DLG2: variants seen among roughly 807,000 people sequenced by gnomAD.
DLG2 encodes discs large MAGUK scaffold protein 2, also known as disks large homolog 2.
DLG2 carries 45 observed loss-of-function variants against 132.5 expected under a neutral mutation model. That is an observed-to-expected ratio of 0.34 (90% CI 0.27 to 0.44). DLG2 has a LOEUF of 0.44. Among genes scored for constraint, DLG2 ranks in the 20% least tolerant of loss-of-function variants. The probability of loss-of-function intolerance (pLI) is 1.00; values close to 1 mark genes in which losing one functional copy is unlikely to be tolerated. For synonymous variants in DLG2, 424 were observed against 419.6 expected, an observed-to-expected ratio of 1.01 and a Z score of -0.13; for missense variants, 1,045 against 1,196.9, an observed-to-expected ratio of 0.87 and a Z score of 1.87.
intron 18 of DLG2, among the ~76,000 whole-genome samples, chr11:83,752,302 G>A (rs7945421): frequency 0.033 from 5,030 of 150,402 alleles, 286 homozygotes; most frequent in African/African-American, 0.11. Context: ...ATAAGCCAAG[G>A]GACACTCCAA....
chr11:84,520,225 A>T (rs1271330681), intron 7 of DLG2, among the ~76,000 whole-genome samples: 1 of 152,180 alleles, frequency 6.6e-6, no homozygotes, highest in South Asian at 2.1e-4. Flanking sequence ...TGTCTACAAA[A>T]ATTGTATGGA....
chr11:83,833,854 A>G, intron 16 of DLG2, 84 bp from the exon 17 acceptor site: 2 of 1,367,192 alleles, frequency 1.5e-6, no homozygotes, highest in African/African-American at 1.4e-5. Flanking sequence ...GATATATGAT[A>G]TCAGCAACTC....
In DLG2 at chr11:85,033,835, A is replaced by G. The variant is rs534726724; in HGVS notation, c.357+77826T>C. 5.3e-5 allele frequency among the ~76,000 whole-genome samples: 8 copies of G among 152,342 alleles called. No individual in the cohort carries two copies. The South Asian group carries it at 1.7e-3, about 32-fold the overall frequency. On this transcript the variant is annotated intron_variant, in intron 6 of 27. Coordinates refer to ENST00000376104, the MANE Select transcript of DLG2 (RefSeq NM_001142699.3). ...TTATCTGATATTCAGATGATGTATT[A>G]ATTCCACTGGAATATTATGATCTAT...
chr11:85,627,569 A>G (rs2082095489), upstream of DLG2: 1 of 152,238 alleles, frequency 6.6e-6, no homozygotes, highest in Non-Finnish European at 1.5e-5. Flanking sequence ...GAGACGCCGT[A>G]GTAGTATTAG....
intron 11 of DLG2, among the ~76,000 whole-genome samples, chr11:84,048,842 A>G (rs1375979014): frequency 1.3e-5 from 2 of 151,756 alleles, no homozygotes; most frequent in Non-Finnish European, 1.5e-5. Flanking sequence ...TTAAAGAAAA[A>G]AAAACACACA....
intron 4 of DLG2, among the ~76,000 whole-genome samples, chr11:85,178,088 A>AT (rs529203798): frequency 1.3e-5 from 2 of 151,950 alleles, no homozygotes; most frequent in Non-Finnish European, 2.9e-5. Flanking sequence ...GGACCAGCAA[A>AT]TTTTTTTTAT....
intron 7 of DLG2, among the ~76,000 whole-genome samples, chr11:84,346,536 G>C (rs748634019): frequency 6.6e-6 from 1 of 152,292 alleles, no homozygotes; most frequent in Non-Finnish European, 1.5e-5. Context: ...AAGTATTCAA[G>C]TGCTCTTTCC....
intron 8 of DLG2, among the ~76,000 whole-genome samples, chr11:84,220,780 CTTTTTTTTTTT>C (rs5793114): frequency 1.3e-5 from 1 of 77,542 alleles, no homozygotes; most frequent in Non-Finnish European, 2.4e-5. Context: ...TTTTTCTTTT[CTTTTTTTTTTT>C]TTTTTTTTTT....
At chr11:84,988,897 A>G (rs1413580359) in intron 6 of DLG2, among the ~76,000 whole-genome samples, 1 of 152,150 alleles carries the variant, frequency 6.6e-6, no homozygotes, top group Non-Finnish European at 1.5e-5. Context: ...AAGAATACAG[A>G]TCAGAAAGAA....
At chr11:85,490,892 A>G (rs2093544115) in intron 3 of DLG2, among the ~76,000 whole-genome samples, 1 of 152,158 alleles carries the variant, frequency 6.6e-6, no homozygotes, top group Non-Finnish European at 1.5e-5. Context: ...CAAAAATTCA[A>G]AAAGGGAAGA....
intron 6 of DLG2, among the ~76,000 whole-genome samples, chr11:84,848,327 C>G (rs1432363567): frequency 1.3e-5 from 2 of 151,968 alleles, no homozygotes; most frequent in African/African-American, 2.4e-5. Context: ...AGACCCATCT[C>G]TACTAAAAAT....
intron 7 of DLG2, among the ~76,000 whole-genome samples, chr11:84,461,633 T>C (rs1425394830): frequency 2.0e-5 from 3 of 151,028 alleles, no homozygotes; most frequent in African/African-American, 7.3e-5. Flanking sequence ...CATTGAAGAC[T>C]TGATAAATGT....
At position 83,466,806 on chromosome 11, in the gene DLG2, A is replaced by G. The variant is rs1223148819; in HGVS notation, c.2631T>C (p.Cys877=). The part of the protein sequence containing the change: ...VRFVAERGKH[C]ILDVSGNAIK... ...TAGCATTTCCTGATACATCAAGTAT[A>G]CAGTGTTTGCCCTGGTAGAAAGAGA... The change falls in exon 26 of 28, where the codon TGT becomes TGC. Residue 877 remains cysteine, a synonymous_variant. Transcript: ENST00000376104. 6.2e-7 allele frequency: 1 copy of G among 1,611,476 alleles called. No homozygotes were observed. The highest frequency in any genetic ancestry group is 8.5e-7 in the Non-Finnish European group (1 of 1,177,666).
rs1021306452 is a variant in DLG2, at chr11:84,184,038, G to A, written c.574-20527C>T. Among the ~76,000 whole-genome samples, 11 of 151,844 alleles carry A rather than the reference G, an allele frequency of 7.2e-5. No individual in the cohort carries two copies. In the South Asian group the frequency reaches 1.5e-3, roughly 20 times the overall value. On this transcript the variant is annotated intron_variant, in intron 8 of 27. Coordinates refer to ENST00000376104, the MANE Select transcript of DLG2 (RefSeq NM_001142699.3). ...GTGAATAATGCCGCAATAAACATAC[G>A]TGTGCACGTGTCTTTATAGCAGCAT...
intron 6 of DLG2, among the ~76,000 whole-genome samples, chr11:84,576,019 C>A (rs185481083): frequency 1.3e-5 from 2 of 152,312 alleles, no homozygotes; most frequent in East Asian, 3.9e-4. Context: ...CTGAAAATCT[C>A]TTTTCTATAT....
intron 4 of DLG2, among the ~76,000 whole-genome samples, chr11:85,250,116 G>C (rs2076327146): frequency 6.6e-6 from 1 of 152,100 alleles, no homozygotes; most frequent in South Asian, 2.1e-4. Flanking sequence ...GGGTGAAGAG[G>C]AATAAGAAAA....
intron 15 of DLG2, among the ~76,000 whole-genome samples, chr11:83,880,979 G>C (rs780878113): frequency 1.5e-4 from 23 of 152,012 alleles, no homozygotes; most frequent in Non-Finnish European, 2.5e-4. Flanking sequence ...TTGCTTGTAT[G>C]TGCTTACATT....
At chr11:85,038,337 T>C (rs181495233) in intron 6 of DLG2, among the ~76,000 whole-genome samples, 7 of 152,200 alleles carry the variant, frequency 4.6e-5, no homozygotes, top group Admixed American at 3.9e-4. Flanking sequence ...AACAACGTTT[T>C]GACAGAAAAA....
chr11:83,821,825 T>C (rs1391331981), intron 17 of DLG2, among the ~76,000 whole-genome samples: 1 of 152,164 alleles, frequency 6.6e-6, no homozygotes, highest in Non-Finnish European at 1.5e-5. Context: ...CCAATTTCCT[T>C]CTCTCTACTG....
Sources: allele counts gnomAD v4.1 joint callset (sites outside exome capture counted in the v4.1 genomes callset), GRCh38; gene constraint gnomAD v4.1.1; transcripts MANE v1.5; gene names NCBI Gene and HGNC (gene_info 2026-07-23, HGNC 2026-07-21).